The following CNTN4 variants were observed in gnomAD, a reference collection of about 807,000 sequenced individuals.
CNTN4 encodes contactin-4.
CNTN4 carries 77 observed loss-of-function variants against 122.5 expected under a neutral mutation model. That is an observed-to-expected ratio of 0.63 (90% CI 0.52 to 0.76). The LOEUF (loss-of-function observed/expected upper bound fraction) is 0.76, where lower values mean the gene tolerates loss of function less well. Among genes scored for constraint, CNTN4 ranks in the 30% least tolerant of loss-of-function variants. The pLI is 0.00. For missense variants in CNTN4, 1,256 were observed against 1,259.1 expected, an observed-to-expected ratio of 1.00 and a Z score of 0.04; for synonymous variants, 512 against 447.0, an observed-to-expected ratio of 1.15 and a Z score of -1.83.
chr3:2,160,957 A>G (rs1276272743), intron 2 of CNTN4, among the ~76,000 whole-genome samples: 3 of 152,026 alleles, frequency 2.0e-5, no homozygotes, highest in Admixed American at 1.3e-4. Context: ...AGTTGGGAGA[A>G]TAGAAGCTAA....
intron 2 of CNTN4, among the ~76,000 whole-genome samples, chr3:2,218,631 C>T (rs1388280470): frequency 6.6e-6 from 1 of 152,108 alleles, no homozygotes; most frequent in East Asian, 1.9e-4. Flanking sequence ...ATAAAAATTC[C>T]ACATCTCCAG....
rs1488903334 is a variant in CNTN4 at position 3,057,449 on chromosome 3, A to C, written c.*1229A>C. The C allele has an allele frequency of 6.6e-6, 1 of 152,662 alleles. No homozygotes were observed. The highest frequency in any genetic ancestry group is 1.5e-5 in the Non-Finnish European group (1 of 68,040). 9.5% of individuals were successfully genotyped at this position (152,662 alleles called of 1,614,324 possible). A position where few individuals can be genotyped will look rare whatever the true frequency, so the allele number is the denominator to read the frequency against. ...CATTGGAAAATGACAATATCAACAA[A>C]ACTGTATTCTTATGAAAAGAACTAT... On this transcript the variant is annotated 3_prime_UTR_variant, in exon 25 of 25. Coordinates refer to ENST00000418658, the MANE Select transcript of CNTN4 (RefSeq NM_175607.3).
chr3:2,926,239 C>A (rs907572354), intron 13 of CNTN4, among the ~76,000 whole-genome samples: 2 of 152,176 alleles, frequency 1.3e-5, no homozygotes, highest in African/African-American at 4.8e-5. Flanking sequence ...ATTCAAAACT[C>A]ATTCTTTTCA....
chr3:2,424,208 C>T (rs796930953), intron 3 of CNTN4, among the ~76,000 whole-genome samples: 4 of 89,956 alleles, frequency 4.4e-5, no homozygotes, highest in East Asian at 4.2e-4. Flanking sequence ...AATGCTATCC[C>T]TCCCCCCTCC....
At chr3:2,256,532 A>G (rs959873506) in intron 2 of CNTN4, among the ~76,000 whole-genome samples, 2 of 152,178 alleles carry the variant, frequency 1.3e-5, no homozygotes, top group Non-Finnish European at 2.9e-5. Flanking sequence ...CATCGTTGCA[A>G]AAATCATCAG....
intron 3 of CNTN4, among the ~76,000 whole-genome samples, chr3:2,495,524 C>T (rs2076429603): frequency 6.6e-6 from 1 of 152,210 alleles, no homozygotes. Context: ...GGACAGGTTA[C>T]CTGTCTGTGG....
intron 2 of CNTN4, among the ~76,000 whole-genome samples, chr3:2,171,841 ATTGACTG>A (rs1200976138): frequency 2.0e-5 from 3 of 152,186 alleles, no homozygotes; most frequent in Non-Finnish European, 4.4e-5. Context: ...TGGTATTAAT[ATTGACTG>A]TTGGGTTCTA....
At chr3:2,907,453 G>T (rs528552527) in intron 12 of CNTN4, among the ~76,000 whole-genome samples, 1 of 151,776 alleles carries the variant, frequency 6.6e-6, no homozygotes, top group East Asian at 1.9e-4. Context: ...CATGCTTGTC[G>T]TCCCAGCTAT....
At chr3:2,266,175 A>G (rs1608379) in intron 2 of CNTN4, among the ~76,000 whole-genome samples, 25,579 of 152,004 alleles carry the variant, frequency 0.17, 2,422 homozygotes, top group South Asian at 0.36. Flanking sequence ...ATTTTACCCC[A>G]TTCAGTATGA....
At chr3:2,702,980 G>C (rs1050902441) in intron 4 of CNTN4, among the ~76,000 whole-genome samples, 4 of 152,264 alleles carry the variant, frequency 2.6e-5, no homozygotes, top group African/African-American at 9.6e-5. Context: ...ATATTCTCAG[G>C]AATGTGTTCT....
chr3:2,213,494 G>C (rs1310732035), intron 2 of CNTN4, among the ~76,000 whole-genome samples: 1 of 137,870 alleles, frequency 7.3e-6, no homozygotes, highest in Non-Finnish European at 1.6e-5. Context: ...GAAATAAAAA[G>C]CTGGAATGTG....
At chr3:2,527,432 G>A (rs1388647166) in intron 3 of CNTN4, among the ~76,000 whole-genome samples, 1 of 151,292 alleles carries the variant, frequency 6.6e-6, no homozygotes, top group Admixed American at 6.6e-5. Flanking sequence ...TGCTGCTGCT[G>A]CTGTTGCTGT....
chr3:2,776,684 G>A (rs2149811156), intron 6 of CNTN4, among the ~76,000 whole-genome samples: 1 of 152,266 alleles, frequency 6.6e-6, no homozygotes, highest in African/African-American at 2.4e-5. Flanking sequence ...CCAGCACAGA[G>A]CTTGTTATTA....
chr3:2,456,031 C>G (rs2048986429), intron 3 of CNTN4, among the ~76,000 whole-genome samples: 1 of 152,022 alleles, frequency 6.6e-6, no homozygotes, highest in African/African-American at 2.4e-5. Context: ...ATACTGTAGA[C>G]AGGTCACATA....
chr3:2,862,521 G>A (rs765164401), intron 7 of CNTN4, among the ~76,000 whole-genome samples: 20 of 152,086 alleles, frequency 1.3e-4, no homozygotes, highest in Non-Finnish European at 2.8e-4. Flanking sequence ...TTTTTCAGTT[G>A]AGCCCCAGAA....
intron 7 of CNTN4, among the ~76,000 whole-genome samples, chr3:2,824,730 C>G (rs1018832034): frequency 1.3e-5 from 2 of 152,080 alleles, no homozygotes; most frequent in Admixed American, 6.5e-5. Flanking sequence ...GGCACAATCT[C>G]GGCTCACTGC....
chr3:2,621,235 C>G (rs2081977853), intron 4 of CNTN4, among the ~76,000 whole-genome samples: 1 of 152,184 alleles, frequency 6.6e-6, no homozygotes, highest in Non-Finnish European at 1.5e-5. Context: ...AGCAAGGGAA[C>G]TAGACTGAGT....
intron 2 of CNTN4, among the ~76,000 whole-genome samples, chr3:2,315,139 A>T (rs372849181): frequency 2.6e-5 from 4 of 152,128 alleles, no homozygotes; most frequent in Non-Finnish European, 4.4e-5. Flanking sequence ...GAATTAAAAG[A>T]ATTAGCTATG....
intron 2 of CNTN4, among the ~76,000 whole-genome samples, chr3:2,133,364 G>A (rs2034539362): frequency 6.6e-6 from 1 of 152,112 alleles, no homozygotes; most frequent in Admixed American, 6.5e-5. Flanking sequence ...GTCATAAAAT[G>A]CATCTCTATG....
Sources: gnomAD v4.1 joint callset for allele counts (sites outside exome capture counted in the v4.1 genomes callset) on GRCh38, gnomAD v4.1.1 for gene constraint, MANE v1.5 for transcripts, NCBI Gene and HGNC (gene_info 2026-07-23, HGNC 2026-07-21) for gene names.